PDZK1: variants seen among roughly 807,000 people sequenced by gnomAD.
PDZK1 encodes PDZ domain containing 1, also known as Na(+)/H(+) exchange regulatory cofactor NHE-RF3.
A neutral mutation model predicts 38.1 loss-of-function variants in PDZK1; 23 were observed. The observed-to-expected ratio is 0.60, with a 90% confidence interval of 0.43 to 0.85. The LOEUF (loss-of-function observed/expected upper bound fraction) is 0.85, where lower values mean the gene tolerates loss of function less well. Among genes scored for constraint, PDZK1 ranks in the 40% least tolerant of loss-of-function variants. PDZK1 has a pLI of 0.00. For missense variants in PDZK1, 297 were observed against 504.3 expected (o/e 0.59, Z 3.94); for synonymous variants, 98 against 186.2 (o/e 0.53, Z 3.86).
chr1:145,689,762 C>T (rs1221707752), intron 1 of PDZK1, among the ~76,000 whole-genome samples: 3 of 152,174 alleles, frequency 2.0e-5, no homozygotes, highest in East Asian at 1.9e-4. Context: ...CGGATGACCA[C>T]ACAGGATATG....
intron 1 of PDZK1, among the ~76,000 whole-genome samples, chr1:145,706,232 T>A (rs1571651744): frequency 6.6e-6 from 1 of 152,216 alleles, no homozygotes. Context: ...TTCTTTCCCC[T>A]GGGGGAGAAG....
chr1:145,687,762 T>C (rs782090915), intron 2 of PDZK1, 50 bp downstream of exon 2: 1 of 1,454,036 alleles, frequency 6.9e-7, no homozygotes, highest in South Asian at 1.1e-5. Flanking sequence ...GCAGAGAAGA[T>C]GTGGGGGCTG....
intron 7 of PDZK1, among the ~76,000 whole-genome samples, chr1:145,673,244 A>G (rs2624770): frequency 3.3e-5 from 5 of 152,170 alleles, no homozygotes; most frequent in African/African-American, 4.8e-5. Flanking sequence ...GTGGTTCAGC[A>G]TCATATGTCT....
At chr1:145,680,422 A>C (rs587636862) in intron 5 of PDZK1, among the ~76,000 whole-genome samples, 19 of 151,952 alleles carry the variant, frequency 1.3e-4, no homozygotes, top group African/African-American at 4.6e-4. Context: ...ATTGAGTTGC[A>C]AGGAAGGAGG....
intron 3 of PDZK1, 115 bp downstream of exon 3, chr1:145,686,362 A>G: frequency 7.6e-7 from 1 of 1,322,398 alleles, no homozygotes; most frequent in South Asian, 1.4e-5. Context: ...AGCTATCTAT[A>G]GCAACTGAAA....
At chr1:145,683,900 G>A (rs1198741309) in intron 3 of PDZK1, among the ~76,000 whole-genome samples, 1 of 148,918 alleles carries the variant, frequency 6.7e-6, no homozygotes, top group Non-Finnish European at 1.5e-5. Flanking sequence ...AGGCTGGAAC[G>A]CAGGGCCGCA....
chr1:145,690,595 C>T (rs1655163763), intron 1 of PDZK1, among the ~76,000 whole-genome samples: 2 of 152,180 alleles, frequency 1.3e-5, no homozygotes, highest in Admixed American at 1.3e-4. Flanking sequence ...ACTATGTTTT[C>T]ATCAAGAGAT....
At chr1:145,696,771 C>A (rs587644209) in intron 1 of PDZK1, among the ~76,000 whole-genome samples, 1 of 152,330 alleles carries the variant, frequency 6.6e-6, no homozygotes, top group East Asian at 1.9e-4. Context: ...GAAACTAATT[C>A]ATGCTTTGAT....
chr1:145,689,339 A>G (rs1553702688), intron 1 of PDZK1, among the ~76,000 whole-genome samples: 2 of 152,168 alleles, frequency 1.3e-5, no homozygotes, highest in African/African-American at 4.8e-5. Context: ...TCAGGCTCCC[A>G]AAGTGCTGGA....
rs781999378 is a variant in PDZK1, at chr1:145,695,448, GAGAA to G, written c.-2-7429_-2-7426del. Among the ~76,000 whole-genome samples the G allele has an allele frequency of 3.3e-4, 50 of 151,990 alleles. No individual in the cohort carries two copies. The East Asian group carries it at 9.1e-3, about 28-fold the overall frequency. On this transcript the variant is annotated intron_variant, in intron 1 of 8. Coordinates refer to ENST00000417171, the MANE Select transcript of PDZK1 (RefSeq NM_001201325.2). ...GAGAGAAAGAGGAGAGAGAGAGAGA[GAGAA>G]AGAGGAGAGCAAGAGAGAGAGAAAG... is the stretch of plus-strand genomic sequence containing the variant.
chr1:145,687,505 A>C, intron 2 of PDZK1, among the ~76,000 whole-genome samples: 1 of 142,674 alleles, frequency 7.0e-6, no homozygotes, highest in South Asian at 2.4e-4. Context: ...AGCCTGGGTG[A>C]AAGAGCGAAA....
chr1:145,676,157 C>G (rs1183387628), intron 6 of PDZK1: 40 of 984,416 alleles, frequency 4.1e-5, no homozygotes, highest in Non-Finnish European at 4.8e-5. Context: ...ACAGGGCTTA[C>G]TTTGGAGAGC....
chr1:145,693,631 G>A lies in PDZK1; in HGVS notation c.-2-5608C>T, dbSNP rs373928427. ...CTACTAAAAATACAAAAAATTAGCC[G>A]GGCGTGGTGGCGGGCGCCTGTGGTC... On this transcript the variant is annotated intron_variant, in intron 1 of 8. Coordinates refer to ENST00000417171, the MANE Select transcript of PDZK1 (RefSeq NM_001201325.2). Among the ~76,000 whole-genome samples, 22 of 152,042 alleles carry A rather than the reference G, an allele frequency of 1.4e-4. 1 individual carries two copies. Among genetic ancestry groups the A allele is most frequent in the South Asian group, 1.3e-3 (6 of 4,792 alleles).
chr1:145,676,954 G>A (rs1653740237), intron 6 of PDZK1, among the ~76,000 whole-genome samples: 1 of 151,976 alleles, frequency 6.6e-6, no homozygotes, highest in Non-Finnish European at 1.5e-5. Flanking sequence ...TATTCTACAT[G>A]CTCTGAATAT....
chr1:145,697,763 ATTTTTTTTTTTTTTTTT>A (rs10564713), intron 1 of PDZK1, among the ~76,000 whole-genome samples: 121 of 44,982 alleles, frequency 2.7e-3, no homozygotes, highest in Admixed American at 8.3e-3. Context: ...TGCCCAGCTA[ATTTTTTTTTTTTTTTTT>A]TTTTTTTTTT....
At chr1:145,706,392 T>C (rs587616935) in intron 1 of PDZK1, among the ~76,000 whole-genome samples, 16 of 152,334 alleles carry the variant, frequency 1.1e-4, no homozygotes, top group African/African-American at 3.8e-4. Flanking sequence ...TGCTGCAGAC[T>C]TCAGATGACT....
chr1:145,703,759 C>G (rs1553705307), intron 1 of PDZK1, among the ~76,000 whole-genome samples: 1 of 151,888 alleles, frequency 6.6e-6, no homozygotes, highest in Non-Finnish European at 1.5e-5. Context: ...ACTGTGAGCA[C>G]TGGACTCAGT....
chr1:145,689,032 C>T (rs1424946173), intron 1 of PDZK1, among the ~76,000 whole-genome samples: 2 of 152,128 alleles, frequency 1.3e-5, no homozygotes, highest in African/African-American at 2.4e-5. Context: ...GTTCTGGCCC[C>T]TGAAGTCTCT....
At chr1:145,679,280 A>C (rs1654010718) in intron 5 of PDZK1, among the ~76,000 whole-genome samples, 2 of 151,794 alleles carry the variant, frequency 1.3e-5, no homozygotes, top group Non-Finnish European at 2.9e-5. Context: ...GCCAAAAATC[A>C]GCTCTGCCCA....
Sources: gnomAD v4.1 joint callset for allele counts (sites outside exome capture counted in the v4.1 genomes callset) on GRCh38, gnomAD v4.1.1 for gene constraint, MANE v1.5 for transcripts, NCBI Gene and HGNC (gene_info 2026-07-23, HGNC 2026-07-21) for gene names.